Variants in MMP26 observed in about 807,000 individuals in gnomAD.
MMP26 encodes matrix metallopeptidase 26, also known as matrix metalloproteinase-26.
MMP26 carries 33 observed loss-of-function variants against 31.0 expected under a neutral mutation model. The ratio of observed to expected loss-of-function variants is 1.06; its 90% CI spans 0.81 to 1.42. The LOEUF (loss-of-function observed/expected upper bound fraction) is 1.42. Ranked by LOEUF, MMP26 falls within the 40% of genes most tolerant of loss-of-function variation. The pLI is 0.00. For missense variants in MMP26, 347 were observed against 316.1 expected, an observed-to-expected ratio of 1.10 and a Z score of -0.74; for synonymous variants, 122 against 114.9, an observed-to-expected ratio of 1.06 and a Z score of -0.40.
At chr11:4,838,921 G>A (rs1031930129) in intron 2 of MMP26, among the ~76,000 whole-genome samples, 7 of 152,108 alleles carry the variant, frequency 4.6e-5, no homozygotes, top group Admixed American at 1.3e-4. Context: ...TTGAATCGCC[G>A]ATGCCGCGCT....
Position 4,803,166 on chromosome 11 carries a change from T to G in MMP26, c.-145+35825T>G, listed in dbSNP as rs1018109785. Among the ~76,000 whole-genome samples the G allele has an allele frequency of 5.9e-5, 9 of 152,318 alleles. 1 individual carries two copies. Among genetic ancestry groups the G allele is most frequent in the African/African-American group, 2.2e-4 (9 of 41,582 alleles). On this transcript the variant is annotated intron_variant, in intron 2 of 7. Transcript: ENST00000380390. ...GATGACATTCTTTTAAAATATTCAC[T>G]GATTTAATAGGTAAAACTACTTTTA...
chr11:4,827,232 G>T (rs1320545427), intron 2 of MMP26, among the ~76,000 whole-genome samples: 1 of 152,166 alleles, frequency 6.6e-6, no homozygotes, highest in African/African-American at 2.4e-5. Flanking sequence ...CTATCCTGGA[G>T]AGCTTGTAGG....
chr11:4,789,935 CAA>C (rs1849001061), intron 2 of MMP26, among the ~76,000 whole-genome samples: 1 of 152,040 alleles, frequency 6.6e-6, no homozygotes, highest in Non-Finnish European at 1.5e-5. Flanking sequence ...TTTAAAATAA[CAA>C]TATAGATAAG....
At chr11:4,722,598 C>A in intron 1 of MMP26, 1 of 559,200 alleles carries the variant, frequency 1.8e-6, no homozygotes, top group Non-Finnish European at 3.2e-6. Flanking sequence ...CACTAAACTC[C>A]CCCGTGGGTG....
intron 2 of MMP26, chr11:4,944,710 A>G (rs535524869): frequency 6.6e-6 from 1 of 152,296 alleles, no homozygotes; most frequent in African/African-American, 2.4e-5. Context: ...AGGTCATATT[A>G]GGAAGGAAAG....
intron 2 of MMP26, among the ~76,000 whole-genome samples, chr11:4,951,209 C>T (rs1460161409): frequency 8.1e-6 from 1 of 123,062 alleles, no homozygotes; most frequent in African/African-American, 2.8e-5. Flanking sequence ...TGAGAGCTCC[C>T]TGGGTGATTT....
At chr11:4,729,580 G>T (rs1307077393) in intron 1 of MMP26, among the ~76,000 whole-genome samples, 1 of 152,128 alleles carries the variant, frequency 6.6e-6, no homozygotes, top group African/African-American at 2.4e-5. Context: ...AGCCTGCAAG[G>T]TTCAGCTCCT....
At chr11:4,715,304 C>A (rs1847914307) in intron 1 of MMP26, among the ~76,000 whole-genome samples, 2 of 146,902 alleles carry the variant, frequency 1.4e-5, no homozygotes, top group South Asian at 2.2e-4. Context: ...AATATCGTTT[C>A]ATCAAGCTGT....
At chr11:4,846,595 G>A (rs767552167) in intron 2 of MMP26, among the ~76,000 whole-genome samples, 1 of 152,050 alleles carries the variant, frequency 6.6e-6, no homozygotes, top group Non-Finnish European at 1.5e-5. Context: ...CTGCTTGAGG[G>A]GATAGATACC....
At chr11:4,786,078 A>G (rs79533604) in intron 2 of MMP26, among the ~76,000 whole-genome samples, 6,612 of 152,214 alleles carry the variant, frequency 0.043, 492 homozygotes, top group African/African-American at 0.15. Flanking sequence ...ATGGGGTTCA[A>G]TATAAAGCCC....
chr11:4,805,403 C>A (rs1049261593), intron 2 of MMP26, among the ~76,000 whole-genome samples: 1 of 152,196 alleles, frequency 6.6e-6, no homozygotes, highest in African/African-American at 2.4e-5. Context: ...TCTGTTGCAG[C>A]AGATCAATTC....
intron 4 of MMP26, 50 bp downstream of exon 4, chr11:4,989,918 AG>A (rs1371457273): frequency 6.8e-7 from 1 of 1,469,846 alleles, no homozygotes; most frequent in Non-Finnish European, 9.3e-7. Flanking sequence ...ATGACCTCAA[AG>A]GGCTTTCTAC....
chr11:4,936,905 A>G (rs1201659220), intron 2 of MMP26, among the ~76,000 whole-genome samples: 1 of 152,168 alleles, frequency 6.6e-6, no homozygotes, highest in African/African-American at 2.4e-5. Context: ...ATATTTTAAA[A>G]TTTTTAAGTC....
At chr11:4,891,024 T>TAATAATAAA (rs1228898738) in intron 2 of MMP26, among the ~76,000 whole-genome samples, 7 of 144,726 alleles carry the variant, frequency 4.8e-5, no homozygotes, top group South Asian at 2.2e-4. Context: ...ATAATAATAA[T>TAATAATAAA]AAAAGTAAAA....
At chr11:4,873,265 G>C (rs894970380) in intron 2 of MMP26, among the ~76,000 whole-genome samples, 1 of 152,014 alleles carries the variant, frequency 6.6e-6, no homozygotes, top group African/African-American at 2.4e-5. Context: ...TGTTTCTTTT[G>C]AGGCTGCTCA....
intron 2 of MMP26, chr11:4,875,273 A>G (rs531119831): frequency 2.0e-4 from 30 of 152,288 alleles, no homozygotes; most frequent in African/African-American, 7.2e-4. Flanking sequence ...AATGAAAATG[A>G]CAATGGGAAG....
At chr11:4,925,331 TA>T (rs1392974028) in intron 2 of MMP26, among the ~76,000 whole-genome samples, 4 of 152,120 alleles carry the variant, frequency 2.6e-5, no homozygotes, top group Non-Finnish European at 5.9e-5. Context: ...AAGAGAACAT[TA>T]AAAAAATTAA....
intron 1 of MMP26, among the ~76,000 whole-genome samples, chr11:4,748,063 CAAAAG>C (rs1457738084): frequency 6.6e-6 from 1 of 151,526 alleles, no homozygotes. Context: ...GACTAACCAA[CAAAAG>C]AAGAGAGGAA....
intron 2 of MMP26, among the ~76,000 whole-genome samples, chr11:4,798,750 T>A (rs1467203428): frequency 6.6e-6 from 1 of 152,214 alleles, no homozygotes; most frequent in Non-Finnish European, 1.5e-5. Flanking sequence ...ATGTGAACTT[T>A]TAGCTCTGTA....
Sources: gnomAD v4.1 joint callset for allele counts (sites outside exome capture counted in the v4.1 genomes callset) on GRCh38, gnomAD v4.1.1 for gene constraint, MANE v1.5 for transcripts, NCBI Gene and HGNC (gene_info 2026-07-23, HGNC 2026-07-21) for gene names.